The following ARB2A variants were observed in gnomAD, a reference collection of about 807,000 sequenced individuals.
The protein encoded by ARB2A is cotranscriptional regulator ARB2A.
chr5:93,783,950 C>T, the ARB2A span, among the ~76,000 whole-genome samples: 1 of 152,096 alleles, frequency 6.6e-6, no homozygotes, highest in Non-Finnish European at 1.5e-5. Context: ...ATGTAGTCAG[C>T]CAATCCATTT....
the ARB2A span, among the ~76,000 whole-genome samples, chr5:93,856,489 T>G: frequency 6.6e-6 from 1 of 152,232 alleles, no homozygotes; most frequent in Non-Finnish European, 1.5e-5. Context: ...TTCTTTTTAT[T>G]CTTTTTTCTC....
At chr5:93,692,090 A>G in the ARB2A span, among the ~76,000 whole-genome samples, 2 of 152,218 alleles carry the variant, frequency 1.3e-5, no homozygotes, top group African/African-American at 4.8e-5. Flanking sequence ...TGTAAAGACC[A>G]TCGACACTAT....
the ARB2A span, among the ~76,000 whole-genome samples, chr5:93,982,184 A>G: frequency 3.2e-4 from 48 of 152,052 alleles, no homozygotes; most frequent in African/African-American, 1.1e-3. Flanking sequence ...AAAATCACCT[A>G]TATTTCCTCC....
At chr5:93,934,008 C>T in the ARB2A span, among the ~76,000 whole-genome samples, 20 of 150,804 alleles carry the variant, frequency 1.3e-4, no homozygotes, top group Non-Finnish European at 2.4e-4. Flanking sequence ...CTGTCTCAAA[C>T]AAACAAAAAA....
At chr5:94,048,671 T>C in the ARB2A span, among the ~76,000 whole-genome samples, 1 of 152,128 alleles carries the variant, frequency 6.6e-6, no homozygotes. Flanking sequence ...TGCAACAGGA[T>C]TGTATCACAG....
chr5:93,683,868 T>C, the ARB2A span, among the ~76,000 whole-genome samples: 149,922 of 152,298 alleles, frequency 0.98, 73,791 homozygotes, highest in East Asian at 1. Flanking sequence ...AAATGAATTC[T>C]TTTTAAGATG....
chr5:93,824,323 A>G, the ARB2A span: 1 of 1,286,360 alleles, frequency 7.8e-7, no homozygotes, highest in South Asian at 1.8e-5. Flanking sequence ...TTATCATAGC[A>G]AACAACAATT....
the ARB2A span, among the ~76,000 whole-genome samples, chr5:93,696,687 GT>G: frequency 6.6e-6 from 1 of 151,888 alleles, no homozygotes; most frequent in Non-Finnish European, 1.5e-5. Flanking sequence ...AGATAGAAGT[GT>G]TTTTTTTGGT....
chr5:93,973,272 C>T, the ARB2A span, among the ~76,000 whole-genome samples: 1 of 151,610 alleles, frequency 6.6e-6, no homozygotes, highest in Non-Finnish European at 1.5e-5. Context: ...GAATTTCAAA[C>T]TACAATTGAA....
chr5:93,635,141 T>C, the ARB2A span, among the ~76,000 whole-genome samples: 7 of 152,178 alleles, frequency 4.6e-5, no homozygotes, highest in Admixed American at 4.6e-4. Context: ...AACAACAAAA[T>C]GCAAAGAACC....
At chr5:93,691,520 G>A in the ARB2A span, among the ~76,000 whole-genome samples, 1 of 151,880 alleles carries the variant, frequency 6.6e-6, no homozygotes, top group Non-Finnish European at 1.5e-5. Flanking sequence ...AAGAAATATG[G>A]GACTATGTGA....
At chr5:94,098,008 G>A in the ARB2A span, among the ~76,000 whole-genome samples, 3 of 152,188 alleles carry the variant, frequency 2.0e-5, no homozygotes, top group South Asian at 2.1e-4. Context: ...ACCTCAAGGG[G>A]CCAGAGAACA....
chr5:93,670,667 A>C, the ARB2A span, among the ~76,000 whole-genome samples: 1 of 152,212 alleles, frequency 6.6e-6, no homozygotes, highest in East Asian at 1.9e-4. Flanking sequence ...GCACAATCTC[A>C]TTCTTTACAT....
chr5:93,762,720 G>A, the ARB2A span, among the ~76,000 whole-genome samples: 1 of 152,112 alleles, frequency 6.6e-6, no homozygotes, highest in South Asian at 2.1e-4. Flanking sequence ...GATACTCCTG[G>A]AGAAGAGCAA....
chr5:93,973,864 T>C, the ARB2A span, among the ~76,000 whole-genome samples: 5 of 152,056 alleles, frequency 3.3e-5, no homozygotes, highest in African/African-American at 9.7e-5. Context: ...AAGCAATCGC[T>C]AAAGGAACTG....
chr5:93,909,406 A>T, the ARB2A span, among the ~76,000 whole-genome samples: 1 of 151,026 alleles, frequency 6.6e-6, no homozygotes, highest in African/African-American at 2.4e-5. Flanking sequence ...CAGAATTAAC[A>T]AAGGTAAAAA....
the ARB2A span, among the ~76,000 whole-genome samples, chr5:93,985,222 CCT>C: frequency 8.2e-4 from 125 of 152,274 alleles, no homozygotes; most frequent in African/African-American, 2.8e-3. Flanking sequence ...GGTGAACTCC[CCT>C]GTCAGTAATA....
chr5:93,642,673 C>G, the ARB2A span, among the ~76,000 whole-genome samples: 1 of 152,030 alleles, frequency 6.6e-6, no homozygotes, highest in South Asian at 2.1e-4. Flanking sequence ...TGTGACCGGC[C>G]CCCAGCTAAT....
the ARB2A span, among the ~76,000 whole-genome samples, chr5:93,960,092 C>A: frequency 3.5e-4 from 52 of 147,036 alleles, 2 homozygotes; most frequent in Admixed American, 2.7e-4. Flanking sequence ...CCCCCCCCCC[C>A]CCCAAAAAAA....
Sources: gnomAD v4.1 joint callset for allele counts (sites outside exome capture counted in the v4.1 genomes callset) on GRCh38, gnomAD v4.1.1 for gene constraint, MANE v1.5 for transcripts, NCBI Gene and HGNC (gene_info 2026-07-23, HGNC 2026-07-21) for gene names.